DENND1A: variants seen among roughly 807,000 people sequenced by gnomAD.
The protein encoded by DENND1A is DENN domain-containing protein 1A.
A neutral mutation model predicts 113.7 loss-of-function variants in DENND1A; 51 were observed. The ratio of observed to expected loss-of-function variants is 0.45; its 90% CI spans 0.36 to 0.57. The LOEUF (loss-of-function observed/expected upper bound fraction) is 0.57, where lower values mean the gene tolerates loss of function less well. Among genes scored for constraint, DENND1A ranks in the 20% least tolerant of loss-of-function variants. DENND1A has a pLI of 0.00. For missense variants in DENND1A, 1,258 were observed against 1,395.9 expected (o/e 0.90, Z 1.57); for synonymous variants, 565 against 570.8 (o/e 0.99, Z 0.14).
chr9:123,407,489 C>T (rs1257649001), intron 20 of DENND1A, among the ~76,000 whole-genome samples: 1 of 152,190 alleles, frequency 6.6e-6, no homozygotes, highest in Non-Finnish European at 1.5e-5. Flanking sequence ...CAGACCACAA[C>T]CAGGCACAGA....
chr9:123,440,315 T>G, intron 19 of DENND1A, 45 bp downstream of exon 19: 1 of 1,370,828 alleles, frequency 7.3e-7, no homozygotes, highest in East Asian at 2.7e-5. Flanking sequence ...AAAACAAAAA[T>G]AAAAAAAAAA....
intron 3 of DENND1A, among the ~76,000 whole-genome samples, chr9:123,771,293 A>G (rs1487552890): frequency 1.3e-5 from 2 of 152,222 alleles, no homozygotes; most frequent in East Asian, 3.8e-4. Flanking sequence ...CAGATCACAT[A>G]AAACATTTAA....
At chr9:123,929,090 A>G (rs72757154) in intron 1 of DENND1A, among the ~76,000 whole-genome samples, 6,350 of 152,320 alleles carry the variant, frequency 0.042, 167 homozygotes, top group Middle Eastern at 0.15. Flanking sequence ...GGACCGCTTA[A>G]GAGTTGCACT....
intron 5 of DENND1A, among the ~76,000 whole-genome samples, chr9:123,740,519 G>A (rs2068919612): frequency 6.6e-6 from 1 of 152,040 alleles, no homozygotes; most frequent in Non-Finnish European, 1.5e-5. Context: ...CAAAGTCTTT[G>A]AGACCTTTTC....
At chr9:123,416,044 G>A (rs150842551) in intron 19 of DENND1A, among the ~76,000 whole-genome samples, 13 of 152,304 alleles carry the variant, frequency 8.5e-5, no homozygotes, top group Admixed American at 2.0e-4. Context: ...GAGTGGCCCC[G>A]GTGCTCTAGA....
chr9:123,516,280 C>G (rs2053905153), intron 13 of DENND1A, among the ~76,000 whole-genome samples: 1 of 151,798 alleles, frequency 6.6e-6, no homozygotes, highest in African/African-American at 2.4e-5. Context: ...TGTATTTGGG[C>G]TGGGGTGGGG....
chr9:123,836,928 A>G (rs891506943), intron 2 of DENND1A, among the ~76,000 whole-genome samples: 2 of 152,210 alleles, frequency 1.3e-5, no homozygotes, highest in Admixed American at 1.3e-4. Flanking sequence ...TACATTTGTT[A>G]TCTTCTATAG....
intron 4 of DENND1A, among the ~76,000 whole-genome samples, chr9:123,758,680 TAAAGGAAA>T (rs1231215342): frequency 6.6e-6 from 1 of 152,146 alleles, no homozygotes; most frequent in African/African-American, 2.4e-5. Flanking sequence ...AGAAAGACGT[TAAAGGAAA>T]AAAGCTAAAA....
intron 13 of DENND1A, among the ~76,000 whole-genome samples, chr9:123,525,643 T>C (rs895253708): frequency 2.4e-4 from 36 of 151,614 alleles, no homozygotes; most frequent in Non-Finnish European, 4.4e-4. Context: ...CCAAACACAG[T>C]ACAAAACAAG....
chr9:123,732,899 G>A (rs1236063055), intron 5 of DENND1A, among the ~76,000 whole-genome samples: 1 of 152,198 alleles, frequency 6.6e-6, no homozygotes, highest in Non-Finnish European at 1.5e-5. Context: ...TTCTCAAAGA[G>A]TTTTTAATGA....
chr9:123,635,520 A>C (rs979659881), intron 9 of DENND1A, among the ~76,000 whole-genome samples: 2 of 152,240 alleles, frequency 1.3e-5, no homozygotes, highest in Non-Finnish European at 2.9e-5. Context: ...AGGACTCTGA[A>C]ATAGATGAGG....
intron 8 of DENND1A, among the ~76,000 whole-genome samples, chr9:123,661,556 C>G (rs201407383): frequency 2.6e-5 from 4 of 152,164 alleles, no homozygotes; most frequent in Non-Finnish European, 5.9e-5. Context: ...CCACTGCCCC[C>G]AAAATAGCCA....
At chr9:123,786,793 A>G (rs950815339) in intron 3 of DENND1A, among the ~76,000 whole-genome samples, 2 of 152,216 alleles carry the variant, frequency 1.3e-5, no homozygotes, top group African/African-American at 4.8e-5. Flanking sequence ...GAATTTACAA[A>G]TTCTGTTCCA....
chr9:123,699,388 T>C (rs1008426423), intron 5 of DENND1A, among the ~76,000 whole-genome samples: 2 of 152,196 alleles, frequency 1.3e-5, no homozygotes, highest in Non-Finnish European at 2.9e-5. Context: ...TTAAGTTATC[T>C]GTATATTACA....
chr9:123,779,079 G>A (rs986246611), intron 3 of DENND1A, among the ~76,000 whole-genome samples: 17 of 152,158 alleles, frequency 1.1e-4, no homozygotes, highest in Admixed American at 2.0e-4. Flanking sequence ...CATTTCTATA[G>A]GTAAGGTCCA....
At chr9:123,887,310 G>A (rs1205881239) in intron 1 of DENND1A, among the ~76,000 whole-genome samples, 1 of 152,110 alleles carries the variant, frequency 6.6e-6, no homozygotes, top group Non-Finnish European at 1.5e-5. Context: ...GCCTGGGCGG[G>A]GCAAGGAAGG....
intron 19 of DENND1A, among the ~76,000 whole-genome samples, chr9:123,431,479 C>T (rs1158054881): frequency 6.6e-6 from 1 of 152,228 alleles, no homozygotes; most frequent in Non-Finnish European, 1.5e-5. Context: ...TGCACTGGCC[C>T]TCTCACTACA....
intron 1 of DENND1A, among the ~76,000 whole-genome samples, chr9:123,887,850 T>C (rs1564449230): frequency 1.3e-5 from 2 of 152,102 alleles, no homozygotes; most frequent in Non-Finnish European, 2.9e-5. Context: ...TTTCTTACAG[T>C]TGAAGTTAAC....
intron 10 of DENND1A, among the ~76,000 whole-genome samples, chr9:123,622,119 T>G (rs2060993744): frequency 6.6e-6 from 1 of 152,238 alleles, no homozygotes; most frequent in African/African-American, 2.4e-5. Context: ...AAACCTTCAC[T>G]GTACATATCC....
Sources: gnomAD v4.1 joint callset for allele counts (sites outside exome capture counted in the v4.1 genomes callset) on GRCh38, gnomAD v4.1.1 for gene constraint, MANE v1.5 for transcripts, NCBI Gene and HGNC (gene_info 2026-07-23, HGNC 2026-07-21) for gene names.